Variants in MAML3 observed in about 807,000 individuals in gnomAD.
MAML3 encodes mastermind-like protein 3.
Under a neutral mutation model 101.9 loss-of-function variants are expected in MAML3, and 27 were observed. The ratio of observed to expected loss-of-function variants is 0.27; its 90% confidence interval spans 0.20 to 0.37. MAML3 has a LOEUF of 0.37. MAML3 is among the 10% of genes least tolerant of loss of function. The probability of loss-of-function intolerance (pLI) is 1.00; values close to 1 mark genes in which losing one functional copy is unlikely to be tolerated. For synonymous variants in MAML3, 501 were observed against 555.9 expected, an observed-to-expected ratio of 0.90 and a Z score of 1.39; for missense variants, 1,316 against 1,444.9, an observed-to-expected ratio of 0.91 and a Z score of 1.45.
chr4:140,022,257 T>G (rs1450587176), intron 1 of MAML3, among the ~76,000 whole-genome samples: 1 of 152,190 alleles, frequency 6.6e-6, no homozygotes, highest in Non-Finnish European at 1.5e-5. Context: ...GGGTAAAATG[T>G]TTTTTTAGTG....
Position 139,719,887 on chromosome 4 carries a change from G to T in MAML3, c.2853C>A (p.Ser951Arg). 1.2e-6 allele frequency: 2 copies of T among 1,613,994 alleles called. No homozygotes were observed. Among genetic ancestry groups the T allele is most frequent in the Non-Finnish European group, 1.7e-6 (2 of 1,179,906 alleles). Residue 951 changes from serine to arginine, a missense_variant, in exon 5 of 5, where the codon AGC becomes AGA. By Grantham distance (110) the Ser-to-Arg change is moderately radical (BLOSUM62 -1). Transcript: ENST00000509479. ...PRPQAPPRLQ[S>R]LMGTVQQGAQ... The stretch of plus-strand genomic sequence containing the variant: ...CTCCTTGCTGGACTGTTCCCATAAG[G>T]CTCTGCAGCCTTGGAGGGGCTTGGG...
intron 2 of MAML3, among the ~76,000 whole-genome samples, chr4:139,821,012 C>T (rs1225158419): frequency 1.3e-5 from 2 of 152,204 alleles, no homozygotes; most frequent in East Asian, 3.8e-4. Flanking sequence ...TCTCAAGTAT[C>T]TGGTGACACA....
At chr4:139,870,019 T>C (rs1731975316) in intron 2 of MAML3, among the ~76,000 whole-genome samples, 1 of 152,216 alleles carries the variant, frequency 6.6e-6, no homozygotes, top group South Asian at 2.1e-4. Context: ...ACAGACTACT[T>C]AACTTTACAT....
intron 1 of MAML3, among the ~76,000 whole-genome samples, chr4:139,928,925 C>G (rs1186402904): frequency 1.3e-5 from 2 of 152,128 alleles, no homozygotes; most frequent in Non-Finnish European, 2.9e-5. Flanking sequence ...TTTAGAATAT[C>G]AGACAGGGTC....
At chr4:139,885,438 G>A (rs747878863) in intron 2 of MAML3, among the ~76,000 whole-genome samples, 8 of 151,952 alleles carry the variant, frequency 5.3e-5, no homozygotes, top group Non-Finnish European at 1.0e-4. Context: ...TAAATACAGT[G>A]ATGGATGCCC....
At chr4:139,771,477 G>C (rs1182107235) in intron 2 of MAML3, among the ~76,000 whole-genome samples, 1 of 152,184 alleles carries the variant, frequency 6.6e-6, no homozygotes, top group Non-Finnish European at 1.5e-5. Flanking sequence ...GCACACAAAA[G>C]CTCCTATACT....
intron 2 of MAML3, among the ~76,000 whole-genome samples, chr4:139,855,932 C>T (rs1278564749): frequency 6.6e-6 from 1 of 152,230 alleles, no homozygotes; most frequent in Admixed American, 6.5e-5. Flanking sequence ...AACTCCCAGT[C>T]ACTCTTTAAC....
chr4:139,767,705 T>G (rs1490912339), intron 2 of MAML3, among the ~76,000 whole-genome samples: 6 of 152,228 alleles, frequency 3.9e-5, no homozygotes, highest in Non-Finnish European at 8.8e-5. Context: ...AATGAAAGGT[T>G]ATTAACTTTG....
chr4:139,793,294 C>G (rs938041397), intron 2 of MAML3, among the ~76,000 whole-genome samples: 6 of 152,168 alleles, frequency 3.9e-5, no homozygotes, highest in Non-Finnish European at 8.8e-5. Flanking sequence ...TGTGCGAACT[C>G]CCCGTACAGG....
chr4:140,093,593 A>AT (rs752398205), intron 1 of MAML3, among the ~76,000 whole-genome samples: 1,798 of 149,110 alleles, frequency 0.012, 14 homozygotes, highest in Non-Finnish European at 0.02. Context: ...ATTTTTTTTA[A>AT]TTTTTTTTTT....
At chr4:140,140,476 C>T (rs1728962457) in intron 1 of MAML3, among the ~76,000 whole-genome samples, 1 of 152,118 alleles carries the variant, frequency 6.6e-6, no homozygotes, top group African/African-American at 2.4e-5. Context: ...AGGCACCTGG[C>T]TATCTATGGA....
At position 139,719,829 on chromosome 4, in the gene MAML3, T is replaced by G; in HGVS notation, c.2911A>C (p.Met971Leu). 1 of 1,613,626 alleles carries G rather than the reference T, an allele frequency of 6.2e-7. No individual in the cohort carries two copies. Among genetic ancestry groups the G allele is most frequent in the Non-Finnish European group, 8.5e-7 (1 of 1,179,898 alleles). Residue 971 changes from methionine to leucine, a missense_variant, in exon 5 of 5, where the codon ATG becomes CTG. By Grantham distance (15) the Met-to-Leu change is conservative. Transcript: ENST00000509479. ...AATTCTCCACTAGTCCTCCCAGGCA[T>G]GCCCTGCAAGCTCCTCTGTTGCCAG... ...QSWQQRSLQG[M>L]PGRTSGELGP...
At chr4:139,748,321 C>A (rs1729390781) in intron 2 of MAML3, among the ~76,000 whole-genome samples, 1 of 152,128 alleles carries the variant, frequency 6.6e-6, no homozygotes, top group Non-Finnish European at 1.5e-5. Flanking sequence ...TATCACTTTC[C>A]TTTCAGGGGC....
rs1177918609 is a variant in MAML3, at chr4:140,119,643, G to T, written c.468+33217C>A. ...CCTCCCTTCCTTTTTTTTTTTAGAT[G>T]AGGTCTTGCTCTTTCACCCAGGCTA... On this transcript the variant is annotated intron_variant, in intron 1 of 4. Transcript: ENST00000509479. 1.9e-4 allele frequency among the ~76,000 whole-genome samples: 7 copies of T among 37,650 alleles called. No individual in the cohort carries two copies. In the East Asian group the frequency reaches 4.0e-3, roughly 21 times the overall value. The allele number at this position is 37,650 out of a possible 152,430, so 24.7% of individuals were successfully genotyped here. A position where few individuals can be genotyped will look rare whatever the true frequency, so the allele number is the denominator to read the frequency against.
chr4:139,988,187 C>G (rs1734586502), intron 1 of MAML3, among the ~76,000 whole-genome samples: 1 of 151,202 alleles, frequency 6.6e-6, no homozygotes, highest in Non-Finnish European at 1.5e-5. Context: ...ATTAGCCGGG[C>G]CTGGTGGTGT....
In MAML3 at chr4:140,051,397, A is replaced by G. The variant is rs147465549; in HGVS notation, c.468+101463T>C. 5.3e-3 allele frequency among the ~76,000 whole-genome samples: 810 copies of G among 152,142 alleles called. 3 individuals carry two copies. The highest frequency in any genetic ancestry group is 5.5e-3 in the Non-Finnish European group (376 of 67,994). Reference sequence around the variant, plus strand: ...TGGTGAAACCCTGTCTCTACTAAAAATACAAAAAAATTAGCCAGGCGTGGT... The same window carrying G: ...TGGTGAAACCCTGTCTCTACTAAAAGTACAAAAAAATTAGCCAGGCGTGGT... On this transcript the variant is annotated intron_variant, in intron 1 of 4. Transcript: ENST00000509479.
intron 1 of MAML3, among the ~76,000 whole-genome samples, chr4:140,142,661 A>G (rs555371872): frequency 4.6e-5 from 7 of 152,328 alleles, no homozygotes; most frequent in Admixed American, 4.6e-4. Flanking sequence ...GGCCATACAG[A>G]GCACATCTAA....
intron 1 of MAML3, among the ~76,000 whole-genome samples, chr4:139,955,989 A>T: frequency 6.6e-6 from 1 of 152,378 alleles, no homozygotes; most frequent in Non-Finnish European, 1.5e-5. Flanking sequence ...TAAGCCAGTG[A>T]AATCAAGAAG....
intron 3 of MAML3, among the ~76,000 whole-genome samples, chr4:139,730,024 G>A (rs1293836958): frequency 2.6e-5 from 4 of 152,136 alleles, no homozygotes; most frequent in Non-Finnish European, 5.9e-5. Context: ...AAGAAACAGA[G>A]TTCTCTGAAT....
Sources: allele counts gnomAD v4.1 joint callset (sites outside exome capture counted in the v4.1 genomes callset), GRCh38; gene constraint gnomAD v4.1.1; transcripts MANE v1.5; gene names NCBI Gene and HGNC (gene_info 2026-07-23, HGNC 2026-07-21).